The following TMEM198 variants were observed in gnomAD, a reference collection of about 807,000 sequenced individuals.
TMEM198 encodes transmembrane protein 198.
TMEM198 carries 21 observed loss-of-function variants against 31.5 expected under a neutral mutation model. The observed-to-expected ratio is 0.67, with a 90% CI of 0.47 to 0.96. The LOEUF (loss-of-function observed/expected upper bound fraction) is 0.96. Ranked by LOEUF, TMEM198 falls within the 40% of genes least tolerant of loss-of-function variation. TMEM198 has a pLI of 0.00. For missense variants in TMEM198, 447 were observed against 499.4 expected (o/e 0.89, Z 1.00); for synonymous variants, 211 against 223.3 (o/e 0.95, Z 0.49).
rs553804448 is a variant in TMEM198 at position 219,545,886 on chromosome 2, A to G, written c.166+993A>G. Reference sequence around the variant, plus strand: ...GATGGTCCCTCCCATTCCTCCCCCAAACTCTGGGCTGAACAACTGAAGAGT... The same window carrying G: ...GATGGTCCCTCCCATTCCTCCCCCAGACTCTGGGCTGAACAACTGAAGAGT... On this transcript the variant is annotated intron_variant, in intron 2 of 4. Coordinates refer to ENST00000373883, the MANE Select transcript of TMEM198 (RefSeq NM_001005209.3). Among the ~76,000 whole-genome samples, 8 of 152,182 alleles carry G rather than the reference A, an allele frequency of 5.3e-5. No individual in the cohort carries two copies. In the South Asian group the frequency reaches 1.2e-3, roughly 24 times the overall value.
intron 1 of TMEM198, 72 bp downstream of exon 1, chr2:219,544,449 C>T (rs1695349511): frequency 3.5e-6 from 2 of 569,014 alleles, no homozygotes; most frequent in South Asian, 1.7e-5. Flanking sequence ...TCACTGGCAG[C>T]ACGCTCCCTT....
chr2:219,544,007 G>C (rs1695337512), upstream of TMEM198: 1 of 356,186 alleles, frequency 2.8e-6, no homozygotes, highest in South Asian at 2.1e-5. Context: ...GCCCCTGCCT[G>C]GATGGTGCGC....
At chr2:219,549,408 T>C in intron 4 of TMEM198, 54 bp downstream of exon 4, 4 of 1,573,402 alleles carry the variant, frequency 2.5e-6, no homozygotes, top group South Asian at 1.2e-5. Flanking sequence ...GGAAACTCTT[T>C]CCAAACAGGA....
Position 219,549,351 on chromosome 2 carries a change from C to T in TMEM198, c.942C>T (p.Ser314=), listed in dbSNP as rs755686219. 1 of 1,611,514 alleles carries T rather than the reference C, an allele frequency of 6.2e-7. No homozygotes were observed. The highest frequency in any genetic ancestry group is 1.7e-5 in the Admixed American group (1 of 59,930). ...PIKRFNGDVL[S]PSYIQSFRDR... is the part of the protein sequence containing the mutation. ...AACGCTTCAATGGAGACGTCCTCTC[C>T]CCGGTGAGCTCCCTGAGCCCATCCA... The change falls in exon 4 of 5, where the codon TCC becomes TCT. Residue 314 remains serine, a synonymous_variant. Transcript: ENST00000373883.
Position 219,547,878 on chromosome 2 carries a change from G to T in TMEM198, c.539G>T (p.Gly180Val). Residue 180 changes from glycine (G) to valine (V), a missense_variant, in exon 3 of 5, where the codon GGT becomes GTT. Coordinates refer to ENST00000373883, the MANE Select transcript of TMEM198 (RefSeq NM_001005209.3). ...ACCACCCTGGCCACCGCCGTGACTG[G>T]TGCTGCGCTGATCGCCACTGCCGCT... ...PLTTLATAVTGAALIATAADY... is the reference protein window; with the variant it reads ...PLTTLATAVTVAALIATAADY... 1 of 1,596,162 alleles carries T rather than the reference G, an allele frequency of 6.3e-7. No homozygotes were observed. Among genetic ancestry groups the T allele is most frequent in the Non-Finnish European group, 8.5e-7 (1 of 1,178,394 alleles).
chr2:219,549,585 G>A (rs1695494765), intron 4 of TMEM198, 132 bp from the exon 5 acceptor site: 2 of 1,387,986 alleles, frequency 1.4e-6, no homozygotes, highest in Admixed American at 2.2e-5. Context: ...GGTATGTGGT[G>A]GGGTCTCAGG....
Position 219,548,085 on chromosome 2 carries a change from A to G in TMEM198, c.742+4A>G, listed in dbSNP as rs759531718. 1 of 1,536,282 alleles carries G rather than the reference A, an allele frequency of 6.5e-7. No homozygotes were observed. Among genetic ancestry groups the G allele is most frequent in the African/African-American group, 1.3e-5 (1 of 74,198 alleles). ...GAGGGGGACTCCCACACGGAAGGTA[A>G]GGGGGCACAGGCCAAGGTGGACATG... On this transcript the variant is annotated splice_donor_region_variant and intron_variant, in intron 3 of 4. Coordinates refer to ENST00000373883, the MANE Select transcript of TMEM198 (RefSeq NM_001005209.3).
In TMEM198 at chr2:219,549,954, C is replaced by A; in HGVS notation, c.*100C>A. On this transcript the variant is annotated 3_prime_UTR_variant, in exon 5 of 5. Coordinates refer to ENST00000373883, the MANE Select transcript of TMEM198 (RefSeq NM_001005209.3). ...CTCCTGGCTTTGGCTGTCCCTCTCC[C>A]CAGCCTGGAGAGGGCTGGCCTGGTC... 1 of 1,488,282 alleles carries A rather than the reference C, an allele frequency of 6.7e-7. No homozygotes were observed. Among genetic ancestry groups the A allele is most frequent in the South Asian group, 1.3e-5 (1 of 79,916 alleles). 92.2% of individuals were successfully genotyped at this position (1,488,282 alleles called of 1,614,324 possible).
In TMEM198 at chr2:219,547,871, G is replaced by A. The variant is rs760015323; in HGVS notation, c.532G>A (p.Val178Met). The A allele has an allele frequency of 4.4e-6, 7 of 1,590,810 alleles. No individual in the cohort carries two copies. The Admixed American group carries it at 5.0e-5, about 11-fold the overall frequency. ...PRPLTTLATAVTGAALIATAA... is the reference protein window; with the variant it reads ...PRPLTTLATAMTGAALIATAA... The stretch of plus-strand genomic sequence containing the variant: ...CCCACTCACCACCCTGGCCACCGCC[G>A]TGACTGGTGCTGCGCTGATCGCCAC... Residue 178 changes from valine to methionine, a missense_variant, in exon 3 of 5, where the codon GTG (valine) becomes ATG (methionine). Transcript: ENST00000373883.
chr2:219,545,733 T>C (rs1046834551), intron 2 of TMEM198, among the ~76,000 whole-genome samples: 1 of 151,954 alleles, frequency 6.6e-6, no homozygotes, highest in African/African-American at 2.4e-5. Context: ...AGGAGAATTG[T>C]AGGTGAGTGG....
chr2:219,545,900 C>T (rs1270797860), intron 2 of TMEM198, among the ~76,000 whole-genome samples: 1 of 152,144 alleles, frequency 6.6e-6, no homozygotes, highest in African/African-American at 2.4e-5. Context: ...CTGGGCTGAA[C>T]AACTGAAGAG....
chr2:219,548,453 T>C (rs527551083), intron 3 of TMEM198, among the ~76,000 whole-genome samples: 2 of 152,288 alleles, frequency 1.3e-5, no homozygotes, highest in South Asian at 2.1e-4. Flanking sequence ...GAATGACCTA[T>C]GGAAGCTATT....
In TMEM198 at chr2:219,549,836, C is replaced by T. The variant is rs776238004; in HGVS notation, c.1065C>T (p.Gly355=). ...GGGGACCTCTGACAGCCTGCTCAGG[C>T]CCCCCAGTGCGGGTATAGCCATATC... ...GSRGPLTACS[G]PPVRV The change falls in exon 5 of 5, where the codon GGC becomes GGT. Residue 355 remains glycine, a synonymous_variant. Coordinates refer to ENST00000373883, the MANE Select transcript of TMEM198 (RefSeq NM_001005209.3). 5.6e-6 allele frequency: 9 copies of T among 1,614,004 alleles called. No individual in the cohort carries two copies. Among genetic ancestry groups the T allele is most frequent in the Admixed American group, 3.3e-5 (2 of 60,022 alleles).
rs1322156032 is a variant in TMEM198, at chr2:219,547,463, G to A, written c.167-43G>A. 6 of 1,387,288 alleles carry A rather than the reference G, an allele frequency of 4.3e-6. No individual in the cohort carries two copies. The South Asian group carries it at 1.3e-4, about 29-fold the overall frequency. 85.9% of individuals were successfully genotyped at this position (1,387,288 alleles called of 1,614,324 possible). On this transcript the variant is annotated intron_variant, in intron 2 of 4. Transcript: ENST00000373883. The stretch of plus-strand genomic sequence containing the variant: ...CCTTGGACCTGCTCCCTCCAGCCTG[G>A]TGCCCTCATCTTGGCCCCTCACTAG...
In TMEM198 at chr2:219,549,716, G is replaced by A; in HGVS notation, c.946-1G>A. 6.2e-7 allele frequency: 1 copy of A among 1,613,700 alleles called. No individual in the cohort carries two copies. The highest frequency in any genetic ancestry group is 8.5e-7 in the Non-Finnish European group (1 of 1,179,852). On this transcript the variant is annotated splice_acceptor_variant, in intron 4 of 4. Transcript: ENST00000373883. LOFTEE classifies it high-confidence loss of function. ...TCACACCTATGTTTGCTCCCCCACA[G>A]AGCTATATCCAGAGCTTCCGAGACC...
intron 3 of TMEM198, 147 bp downstream of exon 3, chr2:219,548,228 C>G: frequency 1.3e-6 from 1 of 741,166 alleles, no homozygotes. Flanking sequence ...GAGGATAGCA[C>G]CCAGGTGCCA....
intron 4 of TMEM198, 146 bp downstream of exon 4, chr2:219,549,500 A>C: frequency 7.9e-7 from 1 of 1,258,576 alleles, no homozygotes; most frequent in Non-Finnish European, 1.1e-6. Flanking sequence ...GAGCCCATGC[A>C]CCAGGGGCTT....
intron 2 of TMEM198, among the ~76,000 whole-genome samples, chr2:219,546,679 T>A (rs780656952): frequency 6.6e-6 from 1 of 152,040 alleles, no homozygotes; most frequent in Admixed American, 6.6e-5. Flanking sequence ...TGCTACTCTG[T>A]CCTCTTTGTA....
Position 219,550,000 on chromosome 2 carries a change from C to T in TMEM198, c.*146C>T, listed in dbSNP as rs1574510507. On this transcript the variant is annotated 3_prime_UTR_variant, in exon 5 of 5. Transcript: ENST00000373883. ...TGGTCACTAGAAGGGAGGATTGTCT[C>T]AGGCGAGTCTTGGCCTGAGAGGAAA... 8.7e-7 allele frequency: 1 copy of T among 1,148,580 alleles called. No homozygotes were observed. The highest frequency in any genetic ancestry group is 2.5e-5 in the East Asian group (1 of 40,232). The allele number at this position is 1,148,580 out of a possible 1,614,324, so 71.1% of individuals were successfully genotyped here. A position where few individuals can be genotyped will look rare whatever the true frequency, so the allele number is the denominator to read the frequency against.
Sources: gnomAD v4.1 joint callset for allele counts (sites outside exome capture counted in the v4.1 genomes callset) on GRCh38, gnomAD v4.1.1 for gene constraint, MANE v1.5 for transcripts, NCBI Gene and HGNC (gene_info 2026-07-23, HGNC 2026-07-21) for gene names.